The following SLC35D4 variants were observed in gnomAD, a reference collection of about 807,000 sequenced individuals.
SLC35D4 encodes the protein UDP-N-acetylglucosamine transporter SLC35D4.
At chr18:23,289,529 G>A in the SLC35D4 span, among the ~76,000 whole-genome samples, 23 of 152,128 alleles carry the variant, frequency 1.5e-4, no homozygotes, top group South Asian at 1.0e-3. Flanking sequence ...CCCTAATCCT[G>A]CTCAAAGCAG....
At chr18:23,430,668 A>G in the SLC35D4 span, 18 of 1,612,686 alleles carry the variant, frequency 1.1e-5, no homozygotes, top group Non-Finnish European at 1.5e-5. Context: ...TTCAAGACAG[A>G]CAGCACATAC....
At chr18:23,411,957 T>C in the SLC35D4 span, among the ~76,000 whole-genome samples, 1 of 152,252 alleles carries the variant, frequency 6.6e-6, no homozygotes, top group Non-Finnish European at 1.5e-5. Context: ...CTCCTGAAGC[T>C]GAATTTTTGA....
the SLC35D4 span, among the ~76,000 whole-genome samples, chr18:23,419,388 G>A: frequency 6.6e-6 from 1 of 152,052 alleles, no homozygotes; most frequent in East Asian, 1.9e-4. Flanking sequence ...CGCCTCCTGG[G>A]TTCAAGCGAT....
chr18:23,280,968 T>A, the SLC35D4 span, among the ~76,000 whole-genome samples: 1 of 151,664 alleles, frequency 6.6e-6, no homozygotes, highest in Non-Finnish European at 1.5e-5. Flanking sequence ...CACCCCCAGG[T>A]AGGGAAGGCA....
At chr18:23,286,946 A>C in the SLC35D4 span, among the ~76,000 whole-genome samples, 2 of 151,200 alleles carry the variant, frequency 1.3e-5, no homozygotes, top group Non-Finnish European at 2.9e-5. Flanking sequence ...ACCTTAACCC[A>C]CAAGTATAAG....
At chr18:23,320,926 C>T in the SLC35D4 span, among the ~76,000 whole-genome samples, 1 of 152,196 alleles carries the variant, frequency 6.6e-6, no homozygotes, top group East Asian at 1.9e-4. Context: ...TGAGAGTTTT[C>T]ACACCTGCAG....
chr18:23,259,726 C>CAGACG, the SLC35D4 span: 1 of 152,386 alleles, frequency 6.6e-6, no homozygotes, highest in South Asian at 2.1e-4. Flanking sequence ...CGGAACATTC[C>CAGACG]AGACACGTCG....
chr18:23,255,857 G>A, the SLC35D4 span, among the ~76,000 whole-genome samples: 7 of 151,794 alleles, frequency 4.6e-5, no homozygotes, highest in South Asian at 2.1e-4. Context: ...CACCATACCC[G>A]GCCAAGAATT....
the SLC35D4 span, chr18:23,257,616 CT>C: frequency 2.5e-6 from 1 of 398,530 alleles, no homozygotes; most frequent in Non-Finnish European, 4.4e-6. Context: ...AGGCCCTGCC[CT>C]CTGTCCACTA....
the SLC35D4 span, among the ~76,000 whole-genome samples, chr18:23,433,669 A>G: frequency 6.6e-6 from 1 of 152,192 alleles, no homozygotes; most frequent in Non-Finnish European, 1.5e-5. Flanking sequence ...TTGCTGCTTC[A>G]AACTTCTAAC....
chr18:23,381,212 T>C, the SLC35D4 span, among the ~76,000 whole-genome samples: 10 of 152,246 alleles, frequency 6.6e-5, no homozygotes, highest in African/African-American at 9.6e-5. Flanking sequence ...ATAGCCTTAA[T>C]AGGGATTCCT....
chr18:23,298,070 G>A, the SLC35D4 span: 1 of 1,613,680 alleles, frequency 6.2e-7, no homozygotes, highest in African/African-American at 1.3e-5. Flanking sequence ...GCAGGAGGCT[G>A]CAAACAACAG....
At chr18:23,264,426 G>A in the SLC35D4 span, among the ~76,000 whole-genome samples, 3 of 135,680 alleles carry the variant, frequency 2.2e-5, no homozygotes, top group East Asian at 4.5e-4. Flanking sequence ...GCAGTGGTGC[G>A]ATCTCGGCTC....
the SLC35D4 span, among the ~76,000 whole-genome samples, chr18:23,302,000 T>C: frequency 6.6e-6 from 1 of 152,262 alleles, no homozygotes; most frequent in Non-Finnish European, 1.5e-5. Context: ...TACTTCGGTT[T>C]ATAATTGTTC....
chr18:23,326,060 A>G, the SLC35D4 span, among the ~76,000 whole-genome samples: 12 of 152,372 alleles, frequency 7.9e-5, no homozygotes, highest in Non-Finnish European at 1.5e-4. Flanking sequence ...CTGATTGTGC[A>G]GCCATCTCCA....
the SLC35D4 span, among the ~76,000 whole-genome samples, chr18:23,383,982 G>A: frequency 9.4e-6 from 1 of 106,360 alleles, no homozygotes; most frequent in South Asian, 3.7e-4. Context: ...CCTCTCTATA[G>A]TTTAAAAGTT....
chr18:23,413,948 A>AG, the SLC35D4 span, among the ~76,000 whole-genome samples: 1 of 33,200 alleles, frequency 3.0e-5, no homozygotes, highest in Non-Finnish European at 6.7e-5. Flanking sequence ...CGCCTCAAAA[A>AG]AAAAAATTAA....
At chr18:23,308,503 G>T in the SLC35D4 span, among the ~76,000 whole-genome samples, 3 of 152,008 alleles carry the variant, frequency 2.0e-5, no homozygotes, top group Admixed American at 6.5e-5. Flanking sequence ...AAACCTAGAA[G>T]TCATCCTAGA....
the SLC35D4 span, among the ~76,000 whole-genome samples, chr18:23,334,780 C>T: frequency 2.6e-5 from 4 of 152,054 alleles, no homozygotes; most frequent in African/African-American, 9.7e-5. Flanking sequence ...GCAGGCGGAT[C>T]ACTTGAGGTC....
Sources: gnomAD v4.1 joint callset for allele counts (sites outside exome capture counted in the v4.1 genomes callset) on GRCh38, gnomAD v4.1.1 for gene constraint, MANE v1.5 for transcripts, NCBI Gene and HGNC (gene_info 2026-07-23, HGNC 2026-07-21) for gene names.